The following SORBS2 variants were observed in gnomAD, a reference collection of about 807,000 sequenced individuals.
The protein encoded by SORBS2 is sorbin and SH3 domain containing 2.
In SORBS2, 46 loss-of-function variants were observed where a neutral mutation model predicts 97.7. The observed-to-expected ratio is 0.47, with a 90% CI of 0.37 to 0.60. The LOEUF (loss-of-function observed/expected upper bound fraction) is 0.60, where lower values mean the gene tolerates loss of function less well. SORBS2 is among the 20% of genes least tolerant of loss of function. SORBS2 has a pLI of 0.00. For missense variants in SORBS2, 1,316 were observed against 1,282.3 expected (o/e 1.03, Z -0.40); for synonymous variants, 476 against 473.4 (o/e 1.01, Z -0.07).
At chr4:185,803,108 C>T (rs923904057) in intron 1 of SORBS2, among the ~76,000 whole-genome samples, 15 of 152,282 alleles carry the variant, frequency 9.9e-5, no homozygotes, top group African/African-American at 3.4e-4. Context: ...CCTATCCTTA[C>T]GCTCCTGTTC....
At chr4:185,639,085 GC>G in intron 4 of SORBS2, 50 bp from the exon 14 acceptor site, 1 of 1,462,160 alleles carries the variant, frequency 6.8e-7, no homozygotes, top group African/African-American at 1.5e-5. Context: ...GAGGCTCTGG[GC>G]GGAACCGCGA....
rs766579199 is a variant in SORBS2 at position 185,614,904 on chromosome 4, G to C, written c.2522C>G (p.Pro841Arg). Residue 841 changes from proline (P) to arginine (R), a missense_variant, in exon 11 of 15, where the codon CCC becomes CGC. By Grantham distance (103) the Pro-to-Arg change is moderately radical. Coordinates refer to ENST00000418609, the Ensembl canonical transcript of SORBS2. ...GGCTATAGCTTCTCCGATTTCTCCGGGCTGGGCTGGCGGAGGTGGTCTTGC... is the reference window on the plus strand; with the variant it reads ...GGCTATAGCTTCTCCGATTTCTCCGCGCTGGGCTGGCGGAGGTGGTCTTGC... The C allele has an allele frequency of 5.9e-5, 95 of 1,614,008 alleles. No homozygotes were observed. Among genetic ancestry groups the C allele is most frequent in the Non-Finnish European group, 8.1e-5 (95 of 1,179,990 alleles).
At chr4:185,791,253 T>C (rs2099078643) in intron 1 of SORBS2, among the ~76,000 whole-genome samples, 1 of 148,264 alleles carries the variant, frequency 6.7e-6, no homozygotes, top group Non-Finnish European at 1.5e-5. Flanking sequence ...GGGCAATACA[T>C]TTATGAATAC....
At chr4:185,813,001 G>A (rs534166650) in intron 1 of SORBS2, 1 of 152,034 alleles carries the variant, frequency 6.6e-6, no homozygotes, top group Admixed American at 6.6e-5. Flanking sequence ...CATTCCACCC[G>A]TCCATAACAT....
intron 2 of SORBS2, among the ~76,000 whole-genome samples, chr4:185,683,189 A>T (rs1218615451): frequency 6.6e-6 from 1 of 151,914 alleles, no homozygotes; most frequent in African/African-American, 2.4e-5. Context: ...CTACATTGTT[A>T]TTACTGAAGA....
At position 185,606,987 on chromosome 4, in the gene SORBS2, A is replaced by G; in HGVS notation, c.2796+4793T>C. 1.0e-6 allele frequency: 1 copy of G among 995,818 alleles called. No individual in the cohort carries two copies. The highest frequency in any genetic ancestry group is 1.2e-6 in the Non-Finnish European group (1 of 835,996). 61.7% of individuals were successfully genotyped at this position (995,818 alleles called of 1,614,324 possible). Reference sequence around the variant, plus strand: ...GAGTTGTCGTTCTGGGATCCTGAAGAGGCTCTGCATGGTAAGGCTGGGCTG... The same window carrying G: ...GAGTTGTCGTTCTGGGATCCTGAAGGGGCTCTGCATGGTAAGGCTGGGCTG... On this transcript the variant is annotated intron_variant, in intron 12 of 14. Transcript: ENST00000418609. The surrounding 1 kb of genome is among the most constrained non-coding windows in gnomAD (Gnocchi z 4.3).
In SORBS2 at chr4:185,797,368, TTTG is replaced by T. The variant is rs565432596; in HGVS notation, c.-337-22005_-337-22003del. ...ATCTTTTCTTGTGCCCTTCATTTAATTTGATACTGTTACCAGTTATATATTTTT... is the reference window on the plus strand; with the variant it reads ...ATCTTTTCTTGTGCCCTTCATTTAATATACTGTTACCAGTTATATATTTTT... On this transcript the variant is annotated intron_variant, in intron 1 of 20. Coordinates refer to the SORBS2 transcript ENST00000284776. Among the ~76,000 whole-genome samples, 3 of 152,356 alleles carry T rather than the reference TTTG, an allele frequency of 2.0e-5. No homozygotes were observed. In the East Asian group the frequency reaches 5.8e-4, roughly 29 times the overall value.
chr4:185,652,688 T>A (rs1488548845), exon 2 of SORBS2: 1 of 1,614,166 alleles, frequency 6.2e-7, no homozygotes, highest in Non-Finnish European at 8.5e-7. Context: ...GTGAATTTGC[T>A]TAAACATCGT....
At chr4:185,908,798 C>G (rs2099253161) in intron 1 of SORBS2, among the ~76,000 whole-genome samples, 1 of 151,898 alleles carries the variant, frequency 6.6e-6, no homozygotes, top group African/African-American at 2.4e-5. Flanking sequence ...AGACACAAAA[C>G]AGATAGGTTG....
intron 2 of SORBS2, among the ~76,000 whole-genome samples, chr4:185,738,543 T>C (rs1171676666): frequency 6.6e-6 from 1 of 152,238 alleles, no homozygotes; most frequent in Non-Finnish European, 1.5e-5. Context: ...TTTTGTTTCG[T>C]GCCAAAAAAT....
At chr4:185,907,135 TAACA>T (rs1378309999) in intron 1 of SORBS2, among the ~76,000 whole-genome samples, 5 of 107,272 alleles carry the variant, frequency 4.7e-5, no homozygotes, top group Middle Eastern at 5.0e-3. Context: ...AACTCCATCA[TAACA>T]AAAAAAAAAA....
chr4:185,697,778 T>A lies in SORBS2; in HGVS notation c.-197-18956A>T, dbSNP rs993257249. On this transcript the variant is annotated intron_variant, in intron 2 of 20. Transcript: ENST00000284776. ...TTCAATAAGGGAAAGTGCCTCTGATTTCCCACCTTGTACTGAGAAGCACAC... is the reference window on the plus strand; with the variant it reads ...TTCAATAAGGGAAAGTGCCTCTGATATCCCACCTTGTACTGAGAAGCACAC... 1.0e-3 allele frequency among the ~76,000 whole-genome samples: 153 copies of A among 152,304 alleles called. 1 individual carries two copies. Among genetic ancestry groups the A allele is most frequent in the African/African-American group, 3.6e-3 (148 of 41,568 alleles).
intron 1 of SORBS2, among the ~76,000 whole-genome samples, chr4:185,886,069 G>T (rs375391965): frequency 9.9e-5 from 15 of 152,238 alleles, no homozygotes; most frequent in African/African-American, 3.6e-4. Context: ...AAGCAAATAC[G>T]ATGTGTTACA....
chr4:185,718,524 C>T (rs1381621913), intron 2 of SORBS2, among the ~76,000 whole-genome samples: 1 of 152,200 alleles, frequency 6.6e-6, no homozygotes, highest in Non-Finnish European at 1.5e-5. Flanking sequence ...TTTCTTAAAT[C>T]TGCTGTCTTG....
intron 1 of SORBS2, among the ~76,000 whole-genome samples, chr4:185,865,205 AAGTTT>A (rs1315910757): frequency 6.6e-6 from 1 of 152,190 alleles, no homozygotes; most frequent in Non-Finnish European, 1.5e-5. Flanking sequence ...TAGTTCACAT[AAGTTT>A]AGTTATCAAC....
intron 1 of SORBS2, among the ~76,000 whole-genome samples, chr4:185,884,798 G>A (rs1369175618): frequency 6.6e-6 from 1 of 152,214 alleles, no homozygotes; most frequent in Non-Finnish European, 1.5e-5. Context: ...TCAGACAGTA[G>A]GGAGTTTCTT....
At chr4:185,722,718 T>C (rs77076502) in intron 2 of SORBS2, among the ~76,000 whole-genome samples, 10,696 of 152,212 alleles carry the variant, frequency 0.07, 518 homozygotes, top group African/African-American at 0.14. Flanking sequence ...TGACTCTTTT[T>C]TCTTAATTAA....
intron 4 of SORBS2, among the ~76,000 whole-genome samples, chr4:185,641,866 T>C (rs2097132013): frequency 6.6e-6 from 1 of 152,056 alleles, no homozygotes; most frequent in African/African-American, 2.4e-5. Flanking sequence ...AAATCACAAG[T>C]GATCCTTACT....
rs111948255 is a variant in SORBS2 at position 185,602,025 on chromosome 4, T to C, written c.2797-8090A>G. On this transcript the variant is annotated intron_variant, in intron 12 of 14. Coordinates refer to ENST00000418609, the Ensembl canonical transcript of SORBS2. ...AGAGGAGCTGAGATTTATACTATTT[T>C]TTTTGAGATGGAGTCTCGCTCTGTT... is the stretch of plus-strand genomic sequence containing the variant. Among the ~76,000 whole-genome samples, 1,122 of 152,336 alleles carry C rather than the reference T, an allele frequency of 7.4e-3. 17 individuals carry two copies. The highest frequency in any genetic ancestry group is 0.026 in the African/African-American group (1,070 of 41,570).
Sources: gnomAD v4.1 joint callset for allele counts (sites outside exome capture counted in the v4.1 genomes callset) on GRCh38, gnomAD v4.1.1 for gene constraint, Gnocchi (gnomAD v3.1) non-coding constraint, MANE v1.5 for transcripts, NCBI Gene and HGNC (gene_info 2026-07-23, HGNC 2026-07-21) for gene names.